Variants in SYNPR observed in about 807,000 individuals in gnomAD.
The protein encoded by SYNPR is synaptoporin.
SYNPR carries 23 observed loss-of-function variants against 32.9 expected under a neutral mutation model. The ratio of observed to expected loss-of-function variants is 0.70; its 90% CI spans 0.50 to 0.99. SYNPR has a LOEUF of 0.99. SYNPR is among the 50% of genes least tolerant of loss of function. The probability of loss-of-function intolerance (pLI) is 0.00; values close to 1 mark genes in which losing one functional copy is unlikely to be tolerated. For synonymous variants in SYNPR, 146 were observed against 135.9 expected (o/e 1.07, Z -0.52); for missense variants, 318 against 349.3 (o/e 0.91, Z 0.71).
chr3:63,434,551 G>A lies in SYNPR; in HGVS notation c.85-46281G>A, dbSNP rs74941342. 6.3e-3 allele frequency among the ~76,000 whole-genome samples: 956 copies of A among 152,326 alleles called. 9 individuals are homozygous for A. The highest frequency in any genetic ancestry group is 0.021 in the African/African-American group (887 of 41,574). ...ATTCATATCTCAGTGTACTGGGCAAGATTATTGAAAATGGTTTCCATGTTT... is the reference window on the plus strand; with the variant it reads ...ATTCATATCTCAGTGTACTGGGCAAAATTATTGAAAATGGTTTCCATGTTT... On this transcript the variant is annotated intron_variant, in intron 2 of 5. Coordinates refer to ENST00000478300, the MANE Select transcript of SYNPR (RefSeq NM_001130003.2).
At chr3:63,494,423 A>ATATATACG (rs1196491762) in intron 3 of SYNPR, among the ~76,000 whole-genome samples, 11 of 139,922 alleles carry the variant, frequency 7.9e-5, no homozygotes, top group African/African-American at 2.9e-4. Context: ...ATATACGTAT[A>ATATATACG]TATATATATA....
chr3:63,497,875 T>C (rs1444543876), intron 3 of SYNPR, among the ~76,000 whole-genome samples: 1 of 152,212 alleles, frequency 6.6e-6, no homozygotes, highest in African/African-American at 2.4e-5. Context: ...CAGATGACTA[T>C]GTGTTTCTGT....
chr3:63,572,933 T>G (rs1256737522), intron 4 of SYNPR, among the ~76,000 whole-genome samples: 1 of 152,130 alleles, frequency 6.6e-6, no homozygotes, highest in Admixed American at 6.6e-5. Flanking sequence ...TGTGTGTGTG[T>G]GTGATTTTTT....
At chr3:63,347,979 T>C (rs2087459451) in intron 2 of SYNPR, among the ~76,000 whole-genome samples, 1 of 152,038 alleles carries the variant, frequency 6.6e-6, no homozygotes, top group Admixed American at 6.6e-5. Context: ...GTTGAATCCC[T>C]ATCTTTGCTA....
intron 3 of SYNPR, among the ~76,000 whole-genome samples, chr3:63,555,596 G>C (rs909263833): frequency 6.6e-6 from 1 of 152,026 alleles, no homozygotes; most frequent in African/African-American, 2.4e-5. Context: ...GTAATTTATT[G>C]AGCCTGGATG....
intron 3 of SYNPR, among the ~76,000 whole-genome samples, chr3:63,530,876 T>C (rs1702100732): frequency 6.6e-6 from 1 of 152,168 alleles, no homozygotes; most frequent in Admixed American, 6.5e-5. Context: ...TATAAACAAA[T>C]TGCCTTGAAA....
intron 2 of SYNPR, among the ~76,000 whole-genome samples, chr3:63,381,334 T>C (rs1337689963): frequency 6.6e-6 from 1 of 152,124 alleles, no homozygotes; most frequent in Non-Finnish European, 1.5e-5. Flanking sequence ...TGCCTAGGAA[T>C]CCAACTTACA....
At chr3:63,530,458 G>A (rs1702091733) in intron 3 of SYNPR, among the ~76,000 whole-genome samples, 1 of 152,144 alleles carries the variant, frequency 6.6e-6, no homozygotes, top group Admixed American at 6.5e-5. Flanking sequence ...GTATATTGAG[G>A]AATAATAATA....
the SYNPR span, among the ~76,000 whole-genome samples, chr3:63,210,432 G>A: frequency 6.6e-6 from 1 of 152,334 alleles, no homozygotes; most frequent in South Asian, 2.1e-4. Context: ...ATTTTACACA[G>A]GACTCTCCTT....
chr3:63,606,671 T>C (rs1004397001), intron 4 of SYNPR, among the ~76,000 whole-genome samples: 2 of 152,062 alleles, frequency 1.3e-5, no homozygotes, highest in Non-Finnish European at 2.9e-5. Flanking sequence ...GTTCAAACAA[T>C]CATCCTGCCT....
chr3:63,245,680 T>TGAGAGAGA (rs71992869), intron 1 of SYNPR, among the ~76,000 whole-genome samples: 369 of 123,144 alleles, frequency 3.0e-3, no homozygotes, highest in Non-Finnish European at 4.8e-3. Context: ...CTTTGTCAAG[T>TGAGAGAGA]GAGAGAGAGA....
intron 2 of SYNPR, among the ~76,000 whole-genome samples, chr3:63,446,526 T>C (rs1327887921): frequency 1.3e-5 from 2 of 152,096 alleles, no homozygotes; most frequent in Non-Finnish European, 2.9e-5. Context: ...ATGGATTTTA[T>C]AGGGGGAAAA....
At chr3:63,562,864 T>C (rs1702715188) in intron 4 of SYNPR, among the ~76,000 whole-genome samples, 2 of 152,172 alleles carry the variant, frequency 1.3e-5, no homozygotes, top group Admixed American at 1.3e-4. Flanking sequence ...GAAATATTAT[T>C]TAACAGGTGG....
intron 4 of SYNPR, among the ~76,000 whole-genome samples, chr3:63,584,745 C>G (rs562772880): frequency 7.2e-5 from 11 of 152,072 alleles, no homozygotes; most frequent in Non-Finnish European, 1.5e-4. Context: ...AGAATGAGAC[C>G]TACTTAAATG....
At chr3:63,222,593 T>C in the SYNPR span, among the ~76,000 whole-genome samples, 4 of 152,130 alleles carry the variant, frequency 2.6e-5, no homozygotes, top group Admixed American at 6.5e-5. Context: ...CTCAGCTCAC[T>C]GCAACTTTCG....
At chr3:63,541,653 T>A (rs1340581094) in intron 3 of SYNPR, among the ~76,000 whole-genome samples, 3 of 152,098 alleles carry the variant, frequency 2.0e-5, no homozygotes, top group Non-Finnish European at 4.4e-5. Context: ...CCCTTCCCAC[T>A]CACTCACTTA....
intron 2 of SYNPR, among the ~76,000 whole-genome samples, chr3:63,405,084 C>T (rs116776596): frequency 1.8e-3 from 268 of 152,234 alleles, no homozygotes; most frequent in African/African-American, 6.2e-3. Flanking sequence ...TGATGACATT[C>T]CTAAGGAACA....
At chr3:63,399,339 C>G (rs2088259198) in intron 2 of SYNPR, among the ~76,000 whole-genome samples, 1 of 152,162 alleles carries the variant, frequency 6.6e-6, no homozygotes, top group Non-Finnish European at 1.5e-5. Flanking sequence ...GGTACTGTGC[C>G]TGTATTCTTG....
At chr3:63,442,194 TGAAA>T (rs1700190764) in intron 2 of SYNPR, among the ~76,000 whole-genome samples, 2 of 134,060 alleles carry the variant, frequency 1.5e-5, no homozygotes, top group Non-Finnish European at 3.1e-5. Context: ...TGTGCACGCA[TGAAA>T]GAGAGAGAGA....
Sources: allele counts gnomAD v4.1 joint callset (sites outside exome capture counted in the v4.1 genomes callset), GRCh38; gene constraint gnomAD v4.1.1; transcripts MANE v1.5; gene names NCBI Gene and HGNC (gene_info 2026-07-23, HGNC 2026-07-21).